The following MCPH1 variants were observed in gnomAD, a reference collection of about 807,000 sequenced individuals.
MCPH1 encodes the protein microcephalin 1.
Under a neutral mutation model 84.5 loss-of-function variants are expected in MCPH1, and 104 were observed. The ratio of observed to expected loss-of-function variants is 1.23; its 90% confidence interval spans 1.05 to 1.45. MCPH1 has a LOEUF of 1.45. Ranked by LOEUF, MCPH1 falls within the 40% of genes most tolerant of loss-of-function variation. The pLI is 0.00. For missense variants in MCPH1, 1,498 were observed against 1,005.7 expected (o/e 1.49, Z -6.62); for synonymous variants, 514 against 366.8 (o/e 1.40, Z -4.58).
chr8:6,610,880 C>T (rs2980667), intron 12 of MCPH1, among the ~76,000 whole-genome samples: 65 of 152,106 alleles, frequency 4.3e-4, no homozygotes, highest in African/African-American at 1.5e-3. Flanking sequence ...AACTGTTTCA[C>T]GGACAGTGTT....
intron 12 of MCPH1, among the ~76,000 whole-genome samples, chr8:6,576,682 A>ATTTTTTTTTTTTTTTTT (rs58486084): frequency 2.4e-5 from 1 of 42,348 alleles, no homozygotes; most frequent in African/African-American, 6.3e-5. Context: ...TAATTTTTGT[A>ATTTTTTTTTTTTTTTTT]TTTTTTTTTT....
chr8:6,640,083 T>C (rs1265274489), intron 13 of MCPH1, among the ~76,000 whole-genome samples: 1 of 144,714 alleles, frequency 6.9e-6, no homozygotes, highest in Non-Finnish European at 1.5e-5. Context: ...TGTGTGTGTG[T>C]GTGTGTGTGT....
At chr8:6,482,490 A>G (rs1045247614) in intron 11 of MCPH1, among the ~76,000 whole-genome samples, 7 of 152,146 alleles carry the variant, frequency 4.6e-5, no homozygotes, top group African/African-American at 1.7e-4. Context: ...TTTCTCTCCA[A>G]TTCAAATCGT....
intron 3 of MCPH1, among the ~76,000 whole-genome samples, chr8:6,415,295 CTT>C (rs55718615): frequency 6.9e-6 from 1 of 145,258 alleles, no homozygotes; most frequent in East Asian, 2.0e-4. Flanking sequence ...TTGGTATCTT[CTT>C]TTTTTTTTGA....
intron 9 of MCPH1, among the ~76,000 whole-genome samples, chr8:6,457,771 A>T (rs74607633): frequency 0.12 from 18,648 of 152,254 alleles, 1,286 homozygotes; most frequent in Middle Eastern, 0.27. Flanking sequence ...CAGAAGGAGC[A>T]AGACCTAGGT....
At chr8:6,622,526 C>T (rs756040681) in intron 13 of MCPH1, among the ~76,000 whole-genome samples, 5 of 152,240 alleles carry the variant, frequency 3.3e-5, no homozygotes, top group Non-Finnish European at 5.9e-5. Context: ...CCACACCCTC[C>T]TCCATGGGGT....
Position 6,445,100 on chromosome 8 carries a change from G to C in MCPH1, c.1378G>C (p.Asp460His), listed in dbSNP as rs745714760. The change falls in exon 8 of 14, where the codon GAT becomes CAT. Residue 460 changes from aspartate (D) to histidine (H), a missense_variant. Physicochemically the swap from Asp to His is moderately conservative, Grantham distance 81. Transcript: ENST00000344683. The stretch of plus-strand genomic sequence containing the variant: ...GAGAACAAGCATATTTGAAATGTCT[G>C]ATTTTTCCTGCGTTGGCAAAAAAAC... ...KERTSIFEMS[D>H]FSCVGKKTRT... The C allele has an allele frequency of 6.2e-7, 1 of 1,614,252 alleles. No homozygotes were observed. Among genetic ancestry groups the C allele is most frequent in the African/African-American group, 1.3e-5 (1 of 75,068 alleles).
chr8:6,643,013 G>A lies in MCPH1; in HGVS notation c.2472G>A (p.Lys824=), dbSNP rs745590100. The A allele has an allele frequency of 1.7e-5, 27 of 1,614,112 alleles. No individual in the cohort carries two copies. Among genetic ancestry groups the A allele is most frequent in the Non-Finnish European group, 2.3e-5 (27 of 1,179,982 alleles). Residue 824 remains lysine (K), a synonymous_variant, in exon 14 of 14, where the codon AAG becomes AAA. Coordinates refer to ENST00000344683, the MANE Select transcript of MCPH1 (RefSeq NM_024596.5). ...KWVLDSITQH[K]VCAPENYLLS... Reference sequence around the variant, plus strand: ...CTCTAGATTCCATCACCCAGCACAAGGTCTGTGCCCCTGAAAACTACCTAT... The same window carrying A: ...CTCTAGATTCCATCACCCAGCACAAAGTCTGTGCCCCTGAAAACTACCTAT...
At chr8:6,566,868 G>A (rs1230701803) in intron 12 of MCPH1, among the ~76,000 whole-genome samples, 1 of 150,762 alleles carries the variant, frequency 6.6e-6, no homozygotes, top group African/African-American at 2.5e-5. Flanking sequence ...GATCAGCAAG[G>A]CCATGGATAG....
intron 12 of MCPH1, among the ~76,000 whole-genome samples, chr8:6,609,479 T>G (rs1285679560): frequency 6.6e-6 from 1 of 152,238 alleles, no homozygotes; most frequent in African/African-American, 2.4e-5. Flanking sequence ...CCTCAAATGA[T>G]GCTTTAAAAA....
At chr8:6,471,430 G>C (rs1807699739) in intron 9 of MCPH1, among the ~76,000 whole-genome samples, 1 of 152,126 alleles carries the variant, frequency 6.6e-6, no homozygotes, top group Admixed American at 6.5e-5. Flanking sequence ...CACAATTCTG[G>C]AGGGATCAGG....
At chr8:6,429,867 C>T (rs965266794) in intron 3 of MCPH1, among the ~76,000 whole-genome samples, 6 of 152,184 alleles carry the variant, frequency 3.9e-5, no homozygotes. Context: ...TCCCTCACAC[C>T]TGTCCCCATG....
chr8:6,516,220 T>C (rs1816238314), intron 12 of MCPH1, among the ~76,000 whole-genome samples: 1 of 152,246 alleles, frequency 6.6e-6, no homozygotes, highest in Non-Finnish European at 1.5e-5. Flanking sequence ...TACCGCTCTG[T>C]ATTGCTATGA....
intron 12 of MCPH1, among the ~76,000 whole-genome samples, chr8:6,599,956 A>G (rs1490289610): frequency 3.9e-5 from 6 of 152,258 alleles, no homozygotes; most frequent in East Asian, 3.8e-4. Context: ...GGGGAATTGT[A>G]TTAGAGATTA....
At chr8:6,476,869 A>G (rs1416080812) in intron 9 of MCPH1, among the ~76,000 whole-genome samples, 1 of 152,216 alleles carries the variant, frequency 6.6e-6, no homozygotes, top group Admixed American at 6.5e-5. Context: ...GCATGCATAC[A>G]CATACACACA....
chr8:6,521,282 T>C, intron 12 of MCPH1: 1 of 1,613,918 alleles, frequency 6.2e-7, no homozygotes, highest in South Asian at 1.1e-5. Context: ...CACTATTTTT[T>C]TTTCTAGTTC....
intron 12 of MCPH1, among the ~76,000 whole-genome samples, chr8:6,558,007 G>A (rs1416030903): frequency 6.6e-6 from 1 of 152,126 alleles, no homozygotes; most frequent in African/African-American, 2.4e-5. Flanking sequence ...CACAGGTGGT[G>A]TCTCTGTCTC....
chr8:6,415,447 G>T (rs1458033145), intron 3 of MCPH1, among the ~76,000 whole-genome samples: 1 of 151,812 alleles, frequency 6.6e-6, no homozygotes, highest in East Asian at 1.9e-4. Flanking sequence ...TTTGCCTCCT[G>T]GGCTCAAGTG....
intron 3 of MCPH1, among the ~76,000 whole-genome samples, chr8:6,422,082 A>G (rs956605397): frequency 6.6e-6 from 1 of 152,206 alleles, no homozygotes. Context: ...TGTGTGTACT[A>G]TTAAAACTTA....
Sources: allele counts gnomAD v4.1 joint callset (sites outside exome capture counted in the v4.1 genomes callset), GRCh38; gene constraint gnomAD v4.1.1; transcripts MANE v1.5; gene names NCBI Gene and HGNC (gene_info 2026-07-23, HGNC 2026-07-21).